SUPT5H: variants seen among roughly 807,000 people sequenced by gnomAD.
SUPT5H encodes transcription elongation factor SPT5.
Under a neutral mutation model 142.5 loss-of-function variants are expected in SUPT5H, and 24 were observed. The ratio of observed to expected loss-of-function variants is 0.17; its 90% CI spans 0.12 to 0.24. The LOEUF is 0.24. Among genes scored for constraint, SUPT5H ranks in the 10% least tolerant of loss-of-function variants. The pLI is 1.00. For missense variants in SUPT5H, 893 were observed against 1,471.8 expected, an observed-to-expected ratio of 0.61 and a Z score of 6.43; for synonymous variants, 546 against 553.0, an observed-to-expected ratio of 0.99 and a Z score of 0.18.
chr19:39,467,384 A>G (rs2079256128), intron 13 of SUPT5H: 1 of 152,006 alleles, frequency 6.6e-6, no homozygotes, highest in African/African-American at 2.4e-5. Flanking sequence ...CTCCGTCTCA[A>G]AAAAAAAGAA....
Position 39,472,560 on chromosome 19 carries a change from C to A in SUPT5H, c.2035+67C>A. 2 of 1,558,178 alleles carry A rather than the reference C, an allele frequency of 1.3e-6. No homozygotes were observed. The highest frequency in any genetic ancestry group is 1.8e-6 in the Non-Finnish European group (2 of 1,133,650). On this transcript the variant is annotated intron_variant, in intron 21 of 29. Transcript: ENST00000432763. This position sits in a 1 kb window ranked among gnomAD's most constrained non-coding sequence, Gnocchi z 4.2. ...GGCTGGAAGGAACTTGGTTGTTCAG[C>A]CTACACTCACTGAGTGCCTGTGCTG...
At position 39,473,531 on chromosome 19, in the gene SUPT5H, G is replaced by A. The variant is rs1247894881; in HGVS notation, c.2492+10G>A. The A allele has an allele frequency of 3.1e-6, 5 of 1,606,012 alleles. No homozygotes were observed. Among genetic ancestry groups the A allele is most frequent in the East Asian group, 4.5e-5 (2 of 44,884 alleles). On this transcript the variant is annotated intron_variant, in intron 25 of 29. Coordinates refer to ENST00000432763, the MANE Select transcript of SUPT5H (RefSeq NM_001111020.3). This position sits in a 1 kb window ranked among gnomAD's most constrained non-coding sequence, Gnocchi z 5.8. ...CCAACACGCCGTCACGGTGAGTCCA[G>A]GGTTCCCCAGGTTCTGGTGTGTGCT...
Position 39,472,568 on chromosome 19 carries a change from CACTG to C in SUPT5H, c.2035+77_2035+80del. ...GGAACTTGGTTGTTCAGCCTACACT[CACTG>C]AGTGCCTGTGCTGGGCTGGGCACTG... On this transcript the variant is annotated intron_variant, in intron 21 of 29. Transcript: ENST00000432763. The surrounding 1 kb of genome is among the most constrained non-coding windows in gnomAD (Gnocchi z 4.2). The C allele has an allele frequency of 2.0e-6, 3 of 1,532,734 alleles. No homozygotes were observed. The highest frequency in any genetic ancestry group is 2.3e-5 in the East Asian group (1 of 43,984). 94.9% of individuals were successfully genotyped at this position (1,532,734 alleles called of 1,614,324 possible). A position where few individuals can be genotyped will look rare whatever the true frequency, so the allele number is the denominator to read the frequency against.
chr19:39,469,170 C>T lies in SUPT5H; in HGVS notation c.1235C>T (p.Thr412Ile), dbSNP rs776808483. 1 of 1,614,096 alleles carries T rather than the reference C, an allele frequency of 6.2e-7. No homozygotes were observed. Among genetic ancestry groups the T allele is most frequent in the African/African-American group, 1.3e-5 (1 of 74,928 alleles). The part of the protein sequence containing the change: ...GIDLEVVTES[T>I]GKEREHNFQP... The stretch of plus-strand genomic sequence containing the variant: ...GACCTGGAGGTGGTGACTGAGAGCA[C>T]AGGTATTTGATCCCCCTCTATAACC... Residue 412 changes from threonine (T) to isoleucine (I), a missense_variant and splice_region_variant, in exon 15 of 30, where the codon ACA (threonine) becomes ATA (isoleucine). Coordinates refer to ENST00000432763, the MANE Select transcript of SUPT5H (RefSeq NM_001111020.3). The surrounding 1 kb of genome is among the most constrained non-coding windows in gnomAD (Gnocchi z 5.1).
rs746829064 is a variant in SUPT5H at position 39,474,252 on chromosome 19, C to A, written c.2670C>A (p.Phe890Leu). The change falls in exon 27 of 30, where the codon TTC becomes TTA. Residue 890 changes from phenylalanine to leucine, a missense_variant. Transcript: ENST00000432763. The surrounding 1 kb of genome is among the most constrained non-coding windows in gnomAD (Gnocchi z 6.5). ...TCTGCAGGTACAACACAGACCAGTTCTCTCCCTATGCTGCCCCCTCCCCAC... is the reference window on the plus strand; with the variant it reads ...TCTGCAGGTACAACACAGACCAGTTATCTCCCTATGCTGCCCCCTCCCCAC... ...GTPAMYNTDQ[F>L]SPYAAPSPQG... is the part of the protein sequence containing the mutation. The A allele has an allele frequency of 6.2e-7, 1 of 1,613,956 alleles. No individual in the cohort carries two copies. The highest frequency in any genetic ancestry group is 2.2e-5 in the East Asian group (1 of 44,886).
At position 39,463,096 on chromosome 19, in the gene SUPT5H, G is replaced by T. The variant is rs371539231; in HGVS notation, c.625-1702G>T. Among the ~76,000 whole-genome samples, 7 of 145,212 alleles carry T rather than the reference G, an allele frequency of 4.8e-5. No individual in the cohort carries two copies. The East Asian group carries it at 1.4e-3, about 30-fold the overall frequency. ...TGACCTTGAACTCCTGACCTCAGATGATCCACCCCTCAGCCTCCCAAAGTG... is the reference window on the plus strand; with the variant it reads ...TGACCTTGAACTCCTGACCTCAGATTATCCACCCCTCAGCCTCCCAAAGTG... On this transcript the variant is annotated intron_variant, in intron 10 of 29. Transcript: ENST00000432763.
chr19:39,449,795 A>C (rs2078998183), intron 2 of SUPT5H, among the ~76,000 whole-genome samples: 2 of 151,754 alleles, frequency 1.3e-5, no homozygotes, highest in African/African-American at 4.8e-5. Context: ...GTGCGCCACC[A>C]CACCTGGCTG....
At position 39,474,369 on chromosome 19, in the gene SUPT5H, C is replaced by T. The variant is rs1311309084; in HGVS notation, c.2787C>T (p.Ser929=). The T allele has an allele frequency of 3.1e-6, 5 of 1,614,048 alleles. No homozygotes were observed. The highest frequency in any genetic ancestry group is 4.2e-6 in the Non-Finnish European group (5 of 1,180,024). ...AGYQNTHSPA[S]YHPTPSPMAY... ...ACCAGAATACCCACTCCCCAGCCAG[C>T]TACCACCCTACACCGTCGCCCATGG... Residue 929 remains serine, a synonymous_variant, in exon 27 of 30, where the codon AGC becomes AGT. Coordinates refer to ENST00000432763, the MANE Select transcript of SUPT5H (RefSeq NM_001111020.3). This position sits in a 1 kb window ranked among gnomAD's most constrained non-coding sequence, Gnocchi z 6.5.
At chr19:39,465,179 TG>T (rs999617788) in intron 11 of SUPT5H, 130 bp downstream of exon 11, 1 of 1,356,226 alleles carries the variant, frequency 7.4e-7, no homozygotes, top group Non-Finnish European at 1.0e-6. Context: ...AAGCAGAGCC[TG>T]GGTTTTGTGA....
intron 2 of SUPT5H, among the ~76,000 whole-genome samples, chr19:39,449,114 T>C (rs905464603): frequency 6.7e-5 from 10 of 150,168 alleles, no homozygotes; most frequent in Admixed American, 4.6e-4. Flanking sequence ...AAAAAACAAA[T>C]GTTCCTTGAC....
intron 3 of SUPT5H, 135 bp from the exon 4 acceptor site, chr19:39,457,539 CT>C (rs2079105888): frequency 3.4e-6 from 5 of 1,471,704 alleles, no homozygotes; most frequent in Non-Finnish European, 4.6e-6. Context: ...AGACGAGTGC[CT>C]CCCTGTTGGA....
chr19:39,453,241 A>C, intron 2 of SUPT5H, 115 bp from the exon 3 acceptor site: 2 of 1,278,144 alleles, frequency 1.6e-6, no homozygotes, highest in South Asian at 3.3e-5. Context: ...ATGCAGAGCA[A>C]AGTGGGCTAT....
chr19:39,445,734 G>A (rs1378181063), intron 1 of SUPT5H, 70 bp from the exon 2 acceptor site: 1 of 796,304 alleles, frequency 1.3e-6, no homozygotes, highest in Non-Finnish European at 2.0e-6. Context: ...GTAGGAGGGG[G>A]TCCTCACTCC....
Position 39,472,782 on chromosome 19 carries a change from G to A in SUPT5H, c.2036-28G>A, listed in dbSNP as rs763954291. 3 of 1,601,708 alleles carry A rather than the reference G, an allele frequency of 1.9e-6. No individual in the cohort carries two copies. Among genetic ancestry groups the A allele is most frequent in the Non-Finnish European group, 2.6e-6 (3 of 1,173,390 alleles). On this transcript the variant is annotated intron_variant, in intron 21 of 29. Coordinates refer to ENST00000432763, the MANE Select transcript of SUPT5H (RefSeq NM_001111020.3). This position sits in a 1 kb window ranked among gnomAD's most constrained non-coding sequence, Gnocchi z 4.2. ...CCTTGCTGTGGGCACAGCCGTGGGGGACCAGTGACATTCTCCCCAATCCCC... is the reference window on the plus strand; with the variant it reads ...CCTTGCTGTGGGCACAGCCGTGGGGAACCAGTGACATTCTCCCCAATCCCC...
intron 13 of SUPT5H, chr19:39,467,206 A>G (rs8106596): frequency 0.16 from 24,610 of 152,808 alleles, 2,043 homozygotes; most frequent in Non-Finnish European, 0.17. Flanking sequence ...AACATGGTGA[A>G]ACCTTGTCTC....
rs1440567649 is a variant in SUPT5H at position 39,471,594 on chromosome 19, T to A, written c.1825-11T>A. 6.2e-7 allele frequency: 1 copy of A among 1,614,086 alleles called. No individual in the cohort carries two copies. The highest frequency in any genetic ancestry group is 8.5e-7 in the Non-Finnish European group (1 of 1,179,994). ...CATGGTCAAGAGAGTGACCCTTCTC[T>A]CCCCGGCTAGGGCCGAGAAGGGGAG... On this transcript the variant is annotated splice_polypyrimidine_tract_variant and intron_variant, in intron 19 of 29. Transcript: ENST00000432763.
chr19:39,472,934 C>T lies in SUPT5H; in HGVS notation c.2155+5C>T, dbSNP rs201952337. On this transcript the variant is annotated splice_donor_5th_base_variant and intron_variant, in intron 22 of 29. Coordinates refer to ENST00000432763, the MANE Select transcript of SUPT5H (RefSeq NM_001111020.3). The surrounding 1 kb of genome is among the most constrained non-coding windows in gnomAD (Gnocchi z 4.2). Reference sequence around the variant, plus strand: ...TCTCCCAGGGGCCCTACAAAGGTGACCTGCGAGGCCTGTGGAGGCCTGGGG... The same window carrying T: ...TCTCCCAGGGGCCCTACAAAGGTGATCTGCGAGGCCTGTGGAGGCCTGGGG... The T allele has an allele frequency of 8.1e-4, 1,298 of 1,612,350 alleles. 2 individuals carry two copies. The highest frequency in any genetic ancestry group is 1.1e-3 in the Non-Finnish European group (1,258 of 1,178,838).
At chr19:39,450,080 A>G (rs2079002314) in intron 2 of SUPT5H, among the ~76,000 whole-genome samples, 1 of 151,884 alleles carries the variant, frequency 6.6e-6, no homozygotes, top group Admixed American at 6.6e-5. Flanking sequence ...CTGGGACAAC[A>G]AGATTTTGCC....
Position 39,472,296 on chromosome 19 carries a change from G to A in SUPT5H, c.1951-113G>A, listed in dbSNP as rs1331319362. 1.0e-6 allele frequency: 1 copy of A among 956,294 alleles called. No individual in the cohort carries two copies. Among genetic ancestry groups the A allele is most frequent in the African/African-American group, 1.6e-5 (1 of 62,368 alleles). The allele number at this position is 956,294 out of a possible 1,614,324, so 59.2% of individuals were successfully genotyped here. A position where few individuals can be genotyped will look rare whatever the true frequency, so the allele number is the denominator to read the frequency against. The stretch of plus-strand genomic sequence containing the variant: ...CTGTCACAGAGGAATTCAGGCCTGG[G>A]GTGTGGGTGGCTGGGTGGTCTCCTC... On this transcript the variant is annotated intron_variant, in intron 20 of 29. Transcript: ENST00000432763. This position sits in a 1 kb window ranked among gnomAD's most constrained non-coding sequence, Gnocchi z 4.2.
Sources: allele counts gnomAD v4.1 joint callset (sites outside exome capture counted in the v4.1 genomes callset), GRCh38; gene constraint gnomAD v4.1.1; non-coding constraint Gnocchi (gnomAD v3.1); transcripts MANE v1.5; gene names NCBI Gene and HGNC (gene_info 2026-07-23, HGNC 2026-07-21).